The following NIPA2 variants were observed in gnomAD, a reference collection of about 807,000 sequenced individuals.
NIPA2 encodes NIPA magnesium transporter 2.
NIPA2 carries 11 observed loss-of-function variants against 29.7 expected under a neutral mutation model. That is an observed-to-expected ratio of 0.37 (90% CI 0.23 to 0.61). The LOEUF (loss-of-function observed/expected upper bound fraction) is 0.61. Ranked by LOEUF, NIPA2 falls within the 20% of genes least tolerant of loss-of-function variation. The pLI is 0.66. For missense variants in NIPA2, 426 were observed against 437.9 expected (o/e 0.97, Z 0.24); for synonymous variants, 183 against 161.9 (o/e 1.13, Z -0.99).
At chr15:22,844,434 A>G (rs557258048) in intron 2 of NIPA2, among the ~76,000 whole-genome samples, 1 of 152,138 alleles carries the variant, frequency 6.6e-6, no homozygotes, top group African/African-American at 2.4e-5. Flanking sequence ...CACGTCTGTA[A>G]TCCCAGCTAT....
intron 6 of NIPA2, among the ~76,000 whole-genome samples, chr15:22,860,269 C>T (rs1470931347): frequency 6.6e-6 from 1 of 152,192 alleles, no homozygotes; most frequent in Non-Finnish European, 1.5e-5. Flanking sequence ...ACCCGCGCAC[C>T]TTGGCCTCCC....
intron 2 of NIPA2, among the ~76,000 whole-genome samples, chr15:22,842,919 C>T (rs1327540781): frequency 6.6e-6 from 1 of 151,640 alleles, no homozygotes; most frequent in Admixed American, 6.6e-5. Flanking sequence ...AGGAGAATGG[C>T]ATGAACCCAG....
chr15:22,855,926 T>A (rs2058144965), intron 5 of NIPA2, among the ~76,000 whole-genome samples: 2 of 152,174 alleles, frequency 1.3e-5, no homozygotes, highest in Non-Finnish European at 2.9e-5. Flanking sequence ...CTTTCTCTAA[T>A]CCCCTTTCAC....
At chr15:22,854,226 C>CA (rs1183617132) in intron 5 of NIPA2, among the ~76,000 whole-genome samples, 2 of 151,976 alleles carry the variant, frequency 1.3e-5, no homozygotes, top group African/African-American at 4.8e-5. Context: ...CTCCTGGGTT[C>CA]AAGCGATTCT....
intron 7 of NIPA2, among the ~76,000 whole-genome samples, chr15:22,864,400 CA>C (rs2058830036): frequency 6.6e-6 from 1 of 152,188 alleles, no homozygotes; most frequent in African/African-American, 2.4e-5. Flanking sequence ...ATGATCCGCC[CA>C]CCTCGGCCGC....
At chr15:22,840,305 T>TTG (rs1555376735) in intron 2 of NIPA2, among the ~76,000 whole-genome samples, 1 of 149,780 alleles carries the variant, frequency 6.7e-6, no homozygotes, top group Non-Finnish European at 1.5e-5. Flanking sequence ...TTTTTTTGTT[T>TTG]TTTTTTTTTT....
chr15:22,840,159 G>A (rs1232404102), intron 2 of NIPA2, among the ~76,000 whole-genome samples: 1 of 151,912 alleles, frequency 6.6e-6, no homozygotes, highest in East Asian at 1.9e-4. Context: ...GGACTTAAGC[G>A]ATCCAACCAC....
At chr15:22,843,575 G>A (rs1214704540) in intron 2 of NIPA2, among the ~76,000 whole-genome samples, 1 of 151,798 alleles carries the variant, frequency 6.6e-6, no homozygotes, top group African/African-American at 2.4e-5. Flanking sequence ...TTTAATTAAG[G>A]CTTTGTTGAA....
chr15:22,858,702 T>A, intron 6 of NIPA2, 72 bp downstream of exon 6: 2 of 887,392 alleles, frequency 2.3e-6, no homozygotes, highest in Non-Finnish European at 3.3e-6. Context: ...ACCATCTAAT[T>A]AAATATGTTC....
At position 22,866,442 on chromosome 15, in the gene NIPA2, C is replaced by T. The variant is rs759629059; in HGVS notation, c.678C>T (p.Ile226=). The change falls in exon 8 of 8, where the codon ATC becomes ATT. Residue 226 remains isoleucine (I), a synonymous_variant. Coordinates refer to ENST00000337451, the MANE Select transcript of NIPA2 (RefSeq NM_030922.7). ...CTTGGATTCTGCTGCTGAGCCTCAT[C>T]GTCTGTGTGAGCACACAGATTAATT... The part of the protein sequence containing the change: ...PLAWILLLSL[I]VCVSTQINYL... 15 of 1,613,940 alleles carry T rather than the reference C, an allele frequency of 9.3e-6. No homozygotes were observed. The highest frequency in any genetic ancestry group is 2.7e-5 in the African/African-American group (2 of 74,890).
chr15:22,845,912 T>G (rs890025358), intron 3 of NIPA2, among the ~76,000 whole-genome samples: 3 of 152,218 alleles, frequency 2.0e-5, no homozygotes, highest in Non-Finnish European at 4.4e-5. Context: ...AATAGCATCA[T>G]GAAACTTTAT....
chr15:22,858,398 A>C (rs2058361643), intron 5 of NIPA2, 142 bp from the exon 6 acceptor site: 1 of 496,214 alleles, frequency 2.0e-6, no homozygotes, highest in Non-Finnish European at 3.6e-6. Context: ...CGTCTCAAAA[A>C]AATAAAAATA....
intron 3 of NIPA2, among the ~76,000 whole-genome samples, chr15:22,846,220 C>T (rs4778370): frequency 0.21 from 31,967 of 152,028 alleles, 3,594 homozygotes; most frequent in Admixed American, 0.31. Context: ...TAATTGCTTT[C>T]AGAATTCCTT....
At position 22,867,150 on chromosome 15, in the gene NIPA2, T is replaced by TTTA. The variant is rs1440128371; in HGVS notation, c.*306_*308dup. ...GACAGTTTTAAGTCTATGAAAATGC[T>TTTA]TTATTTTTTCATTGGTGATGAAAGT... On this transcript the variant is annotated 3_prime_UTR_variant, in exon 8 of 8. Coordinates refer to ENST00000337451, the MANE Select transcript of NIPA2 (RefSeq NM_030922.7). 2.2e-5 allele frequency: 10 copies of TTTA among 448,270 alleles called. No homozygotes were observed. Among genetic ancestry groups the TTTA allele is most frequent in the East Asian group, 2.0e-4 (6 of 29,996 alleles). The allele number at this position is 448,270 out of a possible 1,614,324, so 27.8% of individuals were successfully genotyped here.
chr15:22,854,484 C>T (rs545317299), intron 5 of NIPA2, among the ~76,000 whole-genome samples: 1 of 151,532 alleles, frequency 6.6e-6, no homozygotes, highest in African/African-American at 2.4e-5. Flanking sequence ...GTGGCTCACA[C>T]CTGTAATCCC....
At chr15:22,843,401 G>A (rs1272544647) in intron 2 of NIPA2, among the ~76,000 whole-genome samples, 2 of 151,412 alleles carry the variant, frequency 1.3e-5, no homozygotes, top group Non-Finnish European at 2.9e-5. Flanking sequence ...AGCTACTCAG[G>A]AGGCTGAGAC....
intron 5 of NIPA2, among the ~76,000 whole-genome samples, chr15:22,857,288 G>A (rs531344344): frequency 3.0e-4 from 45 of 151,634 alleles, no homozygotes; most frequent in Non-Finnish European, 5.7e-4. Context: ...AAAATCAGCC[G>A]GGTGTGGTGG....
chr15:22,859,619 G>A (rs1013870030), intron 6 of NIPA2, among the ~76,000 whole-genome samples: 1 of 152,172 alleles, frequency 6.6e-6, no homozygotes, highest in Non-Finnish European at 1.5e-5. Flanking sequence ...GCCTGGCCTG[G>A]AGTGCTTGTT....
At chr15:22,848,800 G>C (rs926916548) in intron 3 of NIPA2, among the ~76,000 whole-genome samples, 1 of 143,320 alleles carries the variant, frequency 7.0e-6, no homozygotes, top group African/African-American at 2.7e-5. Flanking sequence ...ACTCTAGCCT[G>C]GGTGACAGAG....
Sources: gnomAD v4.1 joint callset for allele counts (sites outside exome capture counted in the v4.1 genomes callset) on GRCh38, gnomAD v4.1.1 for gene constraint, MANE v1.5 for transcripts, NCBI Gene and HGNC (gene_info 2026-07-23, HGNC 2026-07-21) for gene names.